SEMA5A: variants seen among roughly 807,000 people sequenced by gnomAD.
SEMA5A encodes semaphorin 5A.
In SEMA5A, 55 loss-of-function variants were observed where a neutral mutation model predicts 135.5. That is an observed-to-expected ratio of 0.41 (90% CI 0.33 to 0.51). SEMA5A has a LOEUF of 0.51. Ranked by LOEUF, SEMA5A falls within the 20% of genes least tolerant of loss-of-function variation. SEMA5A has a pLI of 0.37. For synonymous variants in SEMA5A, 580 were observed against 546.5 expected (o/e 1.06, Z -0.85); for missense variants, 1,290 against 1,419.9 (o/e 0.91, Z 1.47).
intron 6 of SEMA5A, among the ~76,000 whole-genome samples, chr5:9,236,563 C>T (rs1747923389): frequency 1.3e-5 from 2 of 152,128 alleles, no homozygotes; most frequent in Admixed American, 6.5e-5. Flanking sequence ...TAGGGGTCCC[C>T]GATGTGTGGG....
chr5:9,117,399 T>A (rs1740576302), intron 15 of SEMA5A, among the ~76,000 whole-genome samples: 1 of 152,218 alleles, frequency 6.6e-6, no homozygotes. Flanking sequence ...GCTGAAATGT[T>A]CAGGACCATT....
chr5:9,328,187 A>C (rs1230565986), intron 4 of SEMA5A, among the ~76,000 whole-genome samples: 1 of 152,162 alleles, frequency 6.6e-6, no homozygotes, highest in Non-Finnish European at 1.5e-5. Context: ...AATTGCTGTC[A>C]AAATCAGAAC....
At chr5:9,126,821 A>G (rs1312860900) in intron 13 of SEMA5A, among the ~76,000 whole-genome samples, 3 of 152,214 alleles carry the variant, frequency 2.0e-5, no homozygotes, top group Non-Finnish European at 4.4e-5. Flanking sequence ...AAAATATCTC[A>G]AAGACCACTT....
At chr5:9,419,833 A>G (rs996115659) in intron 2 of SEMA5A, among the ~76,000 whole-genome samples, 5 of 152,222 alleles carry the variant, frequency 3.3e-5, no homozygotes, top group African/African-American at 1.2e-4. Context: ...CGAATAACCA[A>G]CAAAAACAAG....
intron 12 of SEMA5A, among the ~76,000 whole-genome samples, chr5:9,152,943 A>G (rs553697661): frequency 5.0e-4 from 76 of 152,178 alleles, no homozygotes; most frequent in Non-Finnish European, 4.1e-4. Context: ...ATGCTGGCAC[A>G]TGTAATTTCA....
At chr5:9,056,790 A>C (rs1044824695) in intron 18 of SEMA5A, among the ~76,000 whole-genome samples, 1 of 152,222 alleles carries the variant, frequency 6.6e-6, no homozygotes, top group African/African-American at 2.4e-5. Context: ...TATCAAAAAA[A>C]CTGAAATTAG....
At chr5:9,497,476 A>C (rs1284390732) in intron 1 of SEMA5A, among the ~76,000 whole-genome samples, 1 of 152,186 alleles carries the variant, frequency 6.6e-6, no homozygotes, top group Non-Finnish European at 1.5e-5. Flanking sequence ...TTTCCAGGAC[A>C]TCTCAATAAT....
At chr5:9,413,534 G>A (rs368375268) in intron 2 of SEMA5A, among the ~76,000 whole-genome samples, 23 of 152,268 alleles carry the variant, frequency 1.5e-4, no homozygotes, top group African/African-American at 5.3e-4. Flanking sequence ...ACTTCATAAC[G>A]AAAGACCTTA....
At chr5:9,295,234 AG>A (rs2150594495) in intron 5 of SEMA5A, among the ~76,000 whole-genome samples, 1 of 152,302 alleles carries the variant, frequency 6.6e-6, no homozygotes, top group Admixed American at 6.5e-5. Flanking sequence ...CATTATTAAA[AG>A]TCCATTTGGG....
chr5:9,162,567 T>C (rs1743343739), intron 11 of SEMA5A, among the ~76,000 whole-genome samples: 1 of 47,948 alleles, frequency 2.1e-5, no homozygotes, highest in African/African-American at 6.3e-5. Flanking sequence ...TGTGTGTGTA[T>C]ATATATATAT....
chr5:9,234,182 T>C (rs554173434), intron 6 of SEMA5A, among the ~76,000 whole-genome samples: 1 of 152,296 alleles, frequency 6.6e-6, no homozygotes, highest in East Asian at 1.9e-4. Context: ...AATTGGCTCC[T>C]AGGAACTGTC....
chr5:9,085,506 C>A (rs887996768), intron 16 of SEMA5A, among the ~76,000 whole-genome samples: 1 of 152,214 alleles, frequency 6.6e-6, no homozygotes, highest in African/African-American at 2.4e-5. Flanking sequence ...GCAGAGGGTG[C>A]AAGCCCCAAG....
At chr5:9,185,135 C>T (rs955992398) in intron 11 of SEMA5A, among the ~76,000 whole-genome samples, 2 of 152,178 alleles carry the variant, frequency 1.3e-5, no homozygotes, top group African/African-American at 4.8e-5. Flanking sequence ...ACTATGTTGT[C>T]CATGCTGGTC....
At chr5:9,147,265 A>T (rs1742387914) in intron 12 of SEMA5A, among the ~76,000 whole-genome samples, 1 of 152,182 alleles carries the variant, frequency 6.6e-6, no homozygotes, top group Non-Finnish European at 1.5e-5. Flanking sequence ...TTCACTCAAT[A>T]GAACCAATGT....
intron 3 of SEMA5A, among the ~76,000 whole-genome samples, chr5:9,370,607 G>A (rs572344320): frequency 2.6e-5 from 4 of 152,248 alleles, no homozygotes; most frequent in Admixed American, 2.0e-4. Flanking sequence ...TAATAAAAAA[G>A]ATTCAAGAAA....
intron 5 of SEMA5A, chr5:9,280,779 C>A: frequency 2.3e-6 from 1 of 429,314 alleles, no homozygotes; most frequent in Non-Finnish European, 4.7e-6. Context: ...CTGACAACAG[C>A]AATACTCACC....
chr5:9,409,531 G>T (rs548071597), intron 2 of SEMA5A, among the ~76,000 whole-genome samples: 2 of 152,058 alleles, frequency 1.3e-5, no homozygotes, highest in Non-Finnish European at 2.9e-5. Context: ...CCAGCCCTGG[G>T]CTCCCCCTCC....
At chr5:9,531,051 G>C (rs1410981192) in intron 1 of SEMA5A, among the ~76,000 whole-genome samples, 1 of 152,090 alleles carries the variant, frequency 6.6e-6, no homozygotes, top group Non-Finnish European at 1.5e-5. Context: ...CACTGGAAAA[G>C]GTCATCTTGC....
chr5:9,478,233 T>A (rs1224494235), intron 1 of SEMA5A, among the ~76,000 whole-genome samples: 1 of 152,170 alleles, frequency 6.6e-6, no homozygotes, highest in East Asian at 1.9e-4. Flanking sequence ...TGTCGAGGCA[T>A]AAGTCAGCTG....
Sources: allele counts gnomAD v4.1 joint callset (sites outside exome capture counted in the v4.1 genomes callset), GRCh38; gene constraint gnomAD v4.1.1; transcripts MANE v1.5; gene names NCBI Gene and HGNC (gene_info 2026-07-23, HGNC 2026-07-21).